NR3C1: variants seen among roughly 807,000 people sequenced by gnomAD.
NR3C1 encodes the protein glucocorticoid receptor.
Under a neutral mutation model 74.0 loss-of-function variants are expected in NR3C1, and 14 were observed. The ratio of observed to expected loss-of-function variants is 0.19; its 90% CI spans 0.12 to 0.30. The LOEUF (loss-of-function observed/expected upper bound fraction) is 0.30, where lower values mean the gene tolerates loss of function less well. Ranked by LOEUF, NR3C1 falls within the 10% of genes least tolerant of loss-of-function variation. The probability of loss-of-function intolerance (pLI) is 1.00; values close to 1 mark genes in which losing one functional copy is unlikely to be tolerated. For synonymous variants in NR3C1, 308 were observed against 332.5 expected (o/e 0.93, Z 0.80); for missense variants, 695 against 909.8 (o/e 0.76, Z 3.04).
intron 7 of NR3C1, among the ~76,000 whole-genome samples, chr5:143,291,416 G>A (rs531804125): frequency 3.3e-4 from 50 of 152,052 alleles, no homozygotes; most frequent in African/African-American, 1.1e-3. Flanking sequence ...AGTAGAGATG[G>A]GGTTTTACCA....
At chr5:143,285,624 C>A (rs974430019) in intron 7 of NR3C1, among the ~76,000 whole-genome samples, 1 of 151,880 alleles carries the variant, frequency 6.6e-6, no homozygotes, top group Admixed American at 6.6e-5. Flanking sequence ...TGGAGAAAAA[C>A]CCAAATGTTT....
upstream of NR3C1, chr5:143,405,463 C>T (rs916848472): frequency 3.1e-6 from 2 of 639,820 alleles, no homozygotes; most frequent in East Asian, 1.4e-4. Context: ...GTCCCCGCGG[C>T]CACCATCTTG....
Position 143,282,781 on chromosome 5 carries a change from T to C in NR3C1, c.2024-56A>G, listed in dbSNP as rs943811019. The C allele has an allele frequency of 5.2e-5, 79 of 1,519,840 alleles. No homozygotes were observed. The African/African-American group carries it at 7.6e-4, about 15-fold the overall frequency. The allele number at this position is 1,519,840 out of a possible 1,614,324, so 94.1% of individuals were successfully genotyped here. On this transcript the variant is annotated intron_variant, in intron 7 of 8. Transcript: ENST00000394464. ...ATTTTCTTTTTCTTTTCTTTTCTTT[T>C]TTTTTTTTTTTTGAGATAGATAGGG...
chr5:143,285,586 T>A (rs1814218529), intron 7 of NR3C1, among the ~76,000 whole-genome samples: 1 of 152,090 alleles, frequency 6.6e-6, no homozygotes, highest in Admixed American at 6.6e-5. Flanking sequence ...AAAATGAGAT[T>A]AAAATAGAAG....
At chr5:143,307,350 T>C (rs920074353) in intron 4 of NR3C1, among the ~76,000 whole-genome samples, 5 of 152,092 alleles carry the variant, frequency 3.3e-5, no homozygotes, top group Admixed American at 6.6e-5. Context: ...GGCACTGCAA[T>C]TGCTATTAAA....
upstream of NR3C1, chr5:143,407,147 G>C (rs1250501020): frequency 6.6e-6 from 1 of 152,162 alleles, no homozygotes; most frequent in African/African-American, 2.4e-5. Context: ...TCAAGGCAAG[G>C]ACCTGATCTA....
At chr5:143,296,733 T>C (rs1260787094) in intron 6 of NR3C1, among the ~76,000 whole-genome samples, 1 of 152,112 alleles carries the variant, frequency 6.6e-6, no homozygotes, top group Admixed American at 6.5e-5. Flanking sequence ...ATATGCAATA[T>C]CTGCCTGTCA....
chr5:143,431,334 C>T (rs1232859844), intron 1 of NR3C1, among the ~76,000 whole-genome samples: 7 of 152,176 alleles, frequency 4.6e-5, no homozygotes, highest in Non-Finnish European at 7.3e-5. Flanking sequence ...AGATGGAGAA[C>T]AGATTATAGA....
chr5:143,422,187 A>G (rs1751271445), intron 1 of NR3C1, among the ~76,000 whole-genome samples: 1 of 152,106 alleles, frequency 6.6e-6, no homozygotes, highest in Non-Finnish European at 1.5e-5. Context: ...TATTTCTTGA[A>G]GCATTGATTT....
intron 2 of NR3C1, among the ~76,000 whole-genome samples, chr5:143,363,633 ACTATGT>A (rs1328158141): frequency 1.3e-5 from 2 of 152,206 alleles, no homozygotes; most frequent in Non-Finnish European, 2.9e-5. Context: ...AGTGACATAA[ACTATGT>A]CTAAAGAACT....
In NR3C1 at chr5:143,300,660, C is replaced by G; in HGVS notation, c.1572G>C (p.Thr524=). 6.2e-7 allele frequency: 1 copy of G among 1,614,080 alleles called. No individual in the cohort carries two copies. The highest frequency in any genetic ancestry group is 8.5e-7 in the Non-Finnish European group (1 of 1,180,006). Reference sequence around the variant, plus strand: ...CCAGGGTAGGGGTGAGTTGTGGTAACGTTGCAGGAACTATTGTTTTGTTAC... The same window carrying G: ...CCAGGGTAGGGGTGAGTTGTGGTAAGGTTGCAGGAACTATTGTTTTGTTAC... The part of the protein sequence containing the change: ...NPGNKTIVPA[T]LPQLTPTLVS... The change falls in exon 5 of 9, where the codon ACG becomes ACC. Residue 524 remains threonine, a synonymous_variant. Coordinates refer to ENST00000394464, the MANE Select transcript of NR3C1 (RefSeq NM_000176.3). This position sits in a 1 kb window ranked among gnomAD's most constrained non-coding sequence, Gnocchi z 5.2.
intron 3 of NR3C1, among the ~76,000 whole-genome samples, chr5:143,310,960 G>T (rs1820805266): frequency 6.6e-6 from 1 of 152,202 alleles, no homozygotes; most frequent in African/African-American, 2.4e-5. Flanking sequence ...CCAGCCAATA[G>T]ATTGTGTTTT....
At chr5:143,310,364 G>C in intron 3 of NR3C1, 151 bp from the exon 4 acceptor site, 1 of 649,508 alleles carries the variant, frequency 1.5e-6, no homozygotes, top group East Asian at 2.8e-5. Context: ...GCCATTATGA[G>C]GTCGAGAGGT....
chr5:143,307,460 C>T (rs1272194210), intron 4 of NR3C1, among the ~76,000 whole-genome samples: 1 of 151,896 alleles, frequency 6.6e-6, no homozygotes, highest in Admixed American at 6.6e-5. Flanking sequence ...GAAAGAAGGC[C>T]CTCATAGTTT....
chr5:143,371,527 C>T (rs1038791448), intron 2 of NR3C1, among the ~76,000 whole-genome samples: 4 of 152,168 alleles, frequency 2.6e-5, no homozygotes, highest in Non-Finnish European at 4.4e-5. Context: ...CAGACATTGT[C>T]CACAGTAGAA....
intron 7 of NR3C1, among the ~76,000 whole-genome samples, chr5:143,291,489 G>A (rs1815936687): frequency 2.0e-5 from 3 of 149,686 alleles, no homozygotes; most frequent in African/African-American, 7.3e-5. Flanking sequence ...CTCCCAAAGT[G>A]TTGGGATTAC....
intron 2 of NR3C1, among the ~76,000 whole-genome samples, chr5:143,348,758 A>G (rs1459413301): frequency 6.6e-6 from 1 of 152,194 alleles, no homozygotes; most frequent in East Asian, 1.9e-4. Context: ...GTTAGCCATG[A>G]GTTCAATGTT....
intron 2 of NR3C1, among the ~76,000 whole-genome samples, chr5:143,380,139 C>T (rs960584244): frequency 1.6e-4 from 25 of 152,076 alleles, no homozygotes; most frequent in African/African-American, 5.8e-4. Context: ...CAAAAGATTG[C>T]TTATAAAGCT....
intron 1 of NR3C1, among the ~76,000 whole-genome samples, chr5:143,419,730 A>G (rs569783336): frequency 6.6e-6 from 1 of 152,336 alleles, no homozygotes; most frequent in South Asian, 2.1e-4. Flanking sequence ...ACAGGACCAC[A>G]GGACGGGGGC....
Sources: gnomAD v4.1 joint callset for allele counts (sites outside exome capture counted in the v4.1 genomes callset) on GRCh38, gnomAD v4.1.1 for gene constraint, Gnocchi (gnomAD v3.1) non-coding constraint, MANE v1.5 for transcripts, NCBI Gene and HGNC (gene_info 2026-07-23, HGNC 2026-07-21) for gene names.